The following DYRK1A variants were observed in gnomAD, a reference collection of about 807,000 sequenced individuals.
DYRK1A encodes dual specificity tyrosine-phosphorylation-regulated kinase 1A.
In DYRK1A, 9 loss-of-function variants were observed where a neutral mutation model predicts 79.7. The ratio of observed to expected loss-of-function variants is 0.11; its 90% CI spans 0.07 to 0.20. The LOEUF (loss-of-function observed/expected upper bound fraction) is 0.20. Ranked by LOEUF, DYRK1A falls within the 10% of genes least tolerant of loss-of-function variation. DYRK1A has a pLI of 1.00. For synonymous variants in DYRK1A, 349 were observed against 329.7 expected (o/e 1.06, Z -0.63); for missense variants, 622 against 956.0 (o/e 0.65, Z 4.61).
At chr21:37,486,847 G>C in intron 6 of DYRK1A, 2 of 339,578 alleles carry the variant, frequency 5.9e-6, no homozygotes, top group Admixed American at 4.9e-5. Context: ...TGAGAATAGT[G>C]TGTGTGTGTT....
At chr21:37,457,397 T>TTGTG (rs908761225) in intron 2 of DYRK1A, among the ~76,000 whole-genome samples, 3 of 151,208 alleles carry the variant, frequency 2.0e-5, no homozygotes, top group East Asian at 1.9e-4. Flanking sequence ...GATCGCCTAA[T>TTGTG]TGTGTGTGTG....
chr21:37,489,246 G>C (rs2052988417), intron 6 of DYRK1A, among the ~76,000 whole-genome samples: 1 of 152,140 alleles, frequency 6.6e-6, no homozygotes, highest in South Asian at 2.1e-4. Flanking sequence ...CACCTTGACA[G>C]ATGGGTGTTT....
At chr21:37,458,304 G>GTGTGTGTGTGTGTGTGTGTA (rs1366699533) in intron 2 of DYRK1A, among the ~76,000 whole-genome samples, 5 of 150,672 alleles carry the variant, frequency 3.3e-5, no homozygotes, top group Non-Finnish European at 5.9e-5. Context: ...GTGTGTGTGT[G>GTGTGTGTGTGTGTGTGTGTA]TGTACATATA....
At chr21:37,417,907 A>C (rs2050388643) in intron 1 of DYRK1A, among the ~76,000 whole-genome samples, 1 of 152,140 alleles carries the variant, frequency 6.6e-6, no homozygotes, top group African/African-American at 2.4e-5. Context: ...GATGTTTGTC[A>C]TTAGCATTTG....
At chr21:37,458,312 A>G (rs1474237452) in intron 2 of DYRK1A, among the ~76,000 whole-genome samples, 3 of 71,680 alleles carry the variant, frequency 4.2e-5, no homozygotes, top group Non-Finnish European at 9.7e-5. Flanking sequence ...GTGTGTACAT[A>G]TACATATGTA....
intron 2 of DYRK1A, among the ~76,000 whole-genome samples, chr21:37,441,295 A>G (rs1329633604): frequency 1.3e-5 from 2 of 152,146 alleles, no homozygotes; most frequent in Non-Finnish European, 2.9e-5. Flanking sequence ...TATTTCTTAC[A>G]GACACATATA....
intron 1 of DYRK1A, 104 bp downstream of exon 1, chr21:37,367,732 C>T (rs1221072185): frequency 6.9e-6 from 1 of 145,680 alleles, no homozygotes; most frequent in Admixed American, 6.8e-5. Context: ...AGGGAGGGAC[C>T]TGCCATTTTA....
chr21:37,426,675 C>T (rs1326362396), intron 2 of DYRK1A, among the ~76,000 whole-genome samples: 1 of 151,578 alleles, frequency 6.6e-6, no homozygotes, highest in African/African-American at 2.4e-5. Context: ...CTTTGGGAGG[C>T]CGAGGCGGGC....
At chr21:37,476,819 C>CCCT (rs72280742) in intron 3 of DYRK1A, among the ~76,000 whole-genome samples, 2 of 20,572 alleles carry the variant, frequency 9.7e-5, no homozygotes, top group African/African-American at 8.8e-4. Flanking sequence ...ACCAAGGGTT[C>CCCT]CCCCCCCCCC....
At chr21:37,372,747 C>T (rs2049457387) in intron 1 of DYRK1A, among the ~76,000 whole-genome samples, 1 of 152,084 alleles carries the variant, frequency 6.6e-6, no homozygotes, top group African/African-American at 2.4e-5. Context: ...GGATTTCTTT[C>T]TCCTCCTTTT....
At chr21:37,457,249 G>A (rs1241761053) in intron 2 of DYRK1A, among the ~76,000 whole-genome samples, 5 of 151,346 alleles carry the variant, frequency 3.3e-5, no homozygotes, top group South Asian at 2.1e-4. Flanking sequence ...TATCCCCCCC[G>A]CAAGACAGAG....
chr21:37,463,510 C>T (rs933054475), intron 2 of DYRK1A, among the ~76,000 whole-genome samples: 1 of 152,148 alleles, frequency 6.6e-6, no homozygotes, highest in Non-Finnish European at 1.5e-5. Context: ...TCAAGAACCC[C>T]TCATTTAAAA....
At chr21:37,401,148 A>G (rs1311052477) in intron 1 of DYRK1A, among the ~76,000 whole-genome samples, 1 of 152,178 alleles carries the variant, frequency 6.6e-6, no homozygotes, top group African/African-American at 2.4e-5. Flanking sequence ...TGTCTCAAAA[A>G]AAAAGGAAAG....
At chr21:37,369,139 G>T (rs1457292921) in intron 1 of DYRK1A, among the ~76,000 whole-genome samples, 1 of 152,138 alleles carries the variant, frequency 6.6e-6, no homozygotes, top group East Asian at 1.9e-4. Flanking sequence ...ATGCTTAAGG[G>T]TTCCTCTGTG....
chr21:37,512,669 T>C lies in DYRK1A; in HGVS notation c.*138T>C. ...CTACAAGAGGGCAAAGCTGATTTTT[T>C]TTTTAACTTGAAAAGATTGCAAAGG... is the stretch of plus-strand genomic sequence containing the variant. On this transcript the variant is annotated 3_prime_UTR_variant, in exon 12 of 12. Coordinates refer to ENST00000647188, the MANE Select transcript of DYRK1A (RefSeq NM_001347721.2). The C allele has an allele frequency of 1.9e-6, 2 of 1,034,992 alleles. No individual in the cohort carries two copies. The highest frequency in any genetic ancestry group is 2.8e-6 in the Non-Finnish European group (2 of 725,528). The allele number at this position is 1,034,992 out of a possible 1,614,324, so 64.1% of individuals were successfully genotyped here.
chr21:37,467,885 G>T (rs926858875), intron 2 of DYRK1A, among the ~76,000 whole-genome samples: 6 of 152,104 alleles, frequency 3.9e-5, no homozygotes, highest in Admixed American at 1.3e-4. Context: ...GCAAGGGAAA[G>T]AATAAGGATT....
chr21:37,384,806 G>T (rs944365645), intron 1 of DYRK1A, among the ~76,000 whole-genome samples: 1 of 152,098 alleles, frequency 6.6e-6, no homozygotes, highest in African/African-American at 2.4e-5. Context: ...AAAAGACCCA[G>T]ATCAAACTTT....
At chr21:37,495,312 C>T (rs886276801) in intron 8 of DYRK1A, among the ~76,000 whole-genome samples, 2 of 151,888 alleles carry the variant, frequency 1.3e-5, no homozygotes, top group African/African-American at 4.8e-5. Flanking sequence ...GAGTTTGAGA[C>T]TAGCATAGGC....
Position 37,505,431 on chromosome 21 carries a change from A to G in DYRK1A, c.1361A>G (p.Asp454Gly). ...CTCATTTTAAGGATGCTTGATTATG[A>G]CCCCAAAACTCGAATTCAACCTTAT... ...KDLILRMLDYDPKTRIQPYYA... is the reference protein window; with the variant it reads ...KDLILRMLDYGPKTRIQPYYA... Residue 454 changes from aspartate (D) to glycine (G), a missense_variant, in exon 10 of 12, where the codon GAC (aspartate) becomes GGC (glycine). Physicochemically the swap from Asp to Gly is moderately conservative, Grantham distance 94. Transcript: ENST00000647188. 6.2e-7 allele frequency: 1 copy of G among 1,614,148 alleles called. No individual in the cohort carries two copies. The highest frequency in any genetic ancestry group is 8.5e-7 in the Non-Finnish European group (1 of 1,180,036).
Sources: allele counts gnomAD v4.1 joint callset (sites outside exome capture counted in the v4.1 genomes callset), GRCh38; gene constraint gnomAD v4.1.1; transcripts MANE v1.5; gene names NCBI Gene and HGNC (gene_info 2026-07-23, HGNC 2026-07-21).